The following ACACA variants were observed in gnomAD, a reference collection of about 807,000 sequenced individuals.
ACACA encodes acetyl-CoA carboxylase alpha.
ACACA carries 103 observed loss-of-function variants against 296.1 expected under a neutral mutation model. The observed-to-expected ratio is 0.35, with a 90% CI of 0.30 to 0.41. The LOEUF (loss-of-function observed/expected upper bound fraction) is 0.41. Ranked by LOEUF, ACACA falls within the 10% of genes least tolerant of loss-of-function variation. The pLI is 1.00. For missense variants in ACACA, 1,554 were observed against 2,989.7 expected (o/e 0.52, Z 11.20); for synonymous variants, 953 against 1,038.6 (o/e 0.92, Z 1.58).
chr17:37,396,905 T>A (rs752813883), intron 1 of ACACA, among the ~76,000 whole-genome samples: 1 of 152,158 alleles, frequency 6.6e-6, no homozygotes, highest in Non-Finnish European at 1.5e-5. Context: ...AGTAGTATTA[T>A]ACTTTAAATT....
intron 1 of ACACA, among the ~76,000 whole-genome samples, chr17:37,382,817 G>A (rs757095411): frequency 5.3e-5 from 8 of 151,968 alleles, no homozygotes; most frequent in Non-Finnish European, 8.8e-5. Context: ...CTGAGATCAC[G>A]CCACTGCACT....
chr17:37,111,693 G>C, intron 51 of ACACA, 50 bp from the exon 52 acceptor site: 1 of 1,389,298 alleles, frequency 7.2e-7, no homozygotes, highest in Non-Finnish European at 1.0e-6. Flanking sequence ...GCACTTTAAA[G>C]GAAGGAGACA....
intron 8 of ACACA, among the ~76,000 whole-genome samples, chr17:37,274,907 C>T (rs1296281226): frequency 2.0e-5 from 3 of 151,614 alleles, no homozygotes; most frequent in Non-Finnish European, 4.4e-5. Flanking sequence ...CAAATCTGTT[C>T]AGCCTCAAGA....
chr17:37,163,418 TC>T (rs2076545746), intron 41 of ACACA, among the ~76,000 whole-genome samples: 3 of 152,072 alleles, frequency 2.0e-5, no homozygotes, highest in Admixed American at 2.0e-4. Flanking sequence ...AAACATCTTT[TC>T]TTTATAAATT....
chr17:37,118,735 T>C (rs1567681910), intron 50 of ACACA, among the ~76,000 whole-genome samples: 2 of 152,202 alleles, frequency 1.3e-5, no homozygotes, highest in Non-Finnish European at 2.9e-5. Context: ...TAAATCTTAA[T>C]TTATGTAAAA....
At chr17:37,338,431 T>TA (rs910313607) in intron 2 of ACACA, among the ~76,000 whole-genome samples, 51 of 148,270 alleles carry the variant, frequency 3.4e-4, no homozygotes, top group Non-Finnish European at 1.2e-4. Flanking sequence ...CCGAGGCAGG[T>TA]AGATCACCTG....
intron 54 of ACACA, among the ~76,000 whole-genome samples, chr17:37,090,704 C>T (rs1382141616): frequency 1.3e-5 from 2 of 152,202 alleles, no homozygotes; most frequent in Non-Finnish European, 2.9e-5. Context: ...ATGGTTTTAA[C>T]TCACTCTTGT....
intron 29 of ACACA, among the ~76,000 whole-genome samples, chr17:37,215,899 A>C (rs2078958759): frequency 6.6e-6 from 1 of 152,142 alleles, no homozygotes; most frequent in African/African-American, 2.4e-5. Flanking sequence ...CTGGGCTCAC[A>C]GAATCTTCAA....
At chr17:37,139,247 C>T (rs1329531593) in intron 45 of ACACA, among the ~76,000 whole-genome samples, 1 of 152,120 alleles carries the variant, frequency 6.6e-6, no homozygotes, top group Non-Finnish European at 1.5e-5. Flanking sequence ...GCTAAGTGGG[C>T]CCTTAGCTTG....
At chr17:37,104,253 AAT>A (rs1319439184) in intron 52 of ACACA, among the ~76,000 whole-genome samples, 1 of 152,244 alleles carries the variant, frequency 6.6e-6, no homozygotes, top group Non-Finnish European at 1.5e-5. Context: ...TCTCTTAAAA[AAT>A]AAGTCCCCAT....
chr17:37,362,073 G>T (rs146496751), intron 1 of ACACA, among the ~76,000 whole-genome samples: 127 of 152,198 alleles, frequency 8.3e-4, no homozygotes, highest in Non-Finnish European at 1.7e-3. Flanking sequence ...GAGGCGACGA[G>T]GACACAGACA....
chr17:37,301,985 T>G (rs1319011300), intron 3 of ACACA, among the ~76,000 whole-genome samples: 1 of 152,034 alleles, frequency 6.6e-6, no homozygotes, highest in East Asian at 1.9e-4. Context: ...TAATTTCTTT[T>G]TTTTTTCTTT....
chr17:37,277,778 G>A, intron 6 of ACACA, 118 bp downstream of exon 6: 1 of 739,388 alleles, frequency 1.4e-6, no homozygotes, highest in Middle Eastern at 2.4e-4. Flanking sequence ...CCCATACACA[G>A]GCATTTAATA....
At chr17:37,174,012 ATATATATATTTT>A (rs1409726204) in intron 41 of ACACA, among the ~76,000 whole-genome samples, 7 of 12,464 alleles carry the variant, frequency 5.6e-4, no homozygotes, top group East Asian at 4.6e-3. Flanking sequence ...ATATATATAT[ATATATATATTTT>A]TTTTTTTTTT....
chr17:37,251,339 T>G (rs2080986034), intron 16 of ACACA, among the ~76,000 whole-genome samples: 1 of 152,224 alleles, frequency 6.6e-6, no homozygotes, highest in South Asian at 2.1e-4. Context: ...TCATAGGACT[T>G]GAATAACTCT....
At chr17:37,199,783 T>C (rs2078163322) in intron 35 of ACACA, among the ~76,000 whole-genome samples, 1 of 151,542 alleles carries the variant, frequency 6.6e-6, no homozygotes, top group African/African-American at 2.4e-5. Flanking sequence ...ATGTTCATTC[T>C]TAACTATTTC....
At chr17:37,246,526 G>A (rs2080710402) in intron 19 of ACACA, among the ~76,000 whole-genome samples, 2 of 151,900 alleles carry the variant, frequency 1.3e-5, no homozygotes, top group Non-Finnish European at 2.9e-5. Flanking sequence ...TTGAATTCCT[G>A]GGCTCAAGGG....
At chr17:37,092,141 G>T (rs933311299) in intron 54 of ACACA, among the ~76,000 whole-genome samples, 1 of 151,746 alleles carries the variant, frequency 6.6e-6, no homozygotes, top group Non-Finnish European at 1.5e-5. Context: ...TCAGCCAGGT[G>T]GGGTAGTGTA....
chr17:37,367,069 CAG>C (rs2049632600), intron 1 of ACACA: 1 of 151,562 alleles, frequency 6.6e-6, no homozygotes, highest in African/African-American at 2.4e-5. Context: ...GCCTGAGTGA[CAG>C]AGCAAGACTG....
Sources: allele counts gnomAD v4.1 joint callset (sites outside exome capture counted in the v4.1 genomes callset), GRCh38; gene constraint gnomAD v4.1.1; transcripts MANE v1.5; gene names NCBI Gene and HGNC (gene_info 2026-07-23, HGNC 2026-07-21).